SPRED2: variants seen among roughly 807,000 people sequenced by gnomAD.
SPRED2 encodes sprouty related EVH1 domain containing 2, also known as sprouty-related, EVH1 domain-containing protein 2.
A neutral mutation model predicts 43.0 loss-of-function variants in SPRED2; 47 were observed. The ratio of observed to expected loss-of-function variants is 1.09; its 90% CI spans 0.87 to 1.40. The LOEUF is 1.40. SPRED2 is among the 40% of genes most tolerant of loss of function. The probability of loss-of-function intolerance (pLI) is 0.00; values close to 1 mark genes in which losing one functional copy is unlikely to be tolerated. For missense variants in SPRED2, 561 were observed against 586.4 expected (o/e 0.96, Z 0.45); for synonymous variants, 225 against 225.7 (o/e 1.00, Z 0.03).
intron 1 of SPRED2, among the ~76,000 whole-genome samples, chr2:65,425,626 A>C (rs543820619): frequency 2.6e-5 from 4 of 152,234 alleles, no homozygotes; most frequent in Non-Finnish European, 5.9e-5. Context: ...ACAATCCTTC[A>C]TGTCTATCCA....
At chr2:65,310,427 A>G (rs1673036901), downstream of SPRED2, among the ~76,000 whole-genome samples, 1 of 150,868 alleles carries the variant, frequency 6.6e-6, no homozygotes, top group African/African-American at 2.4e-5. Context: ...AGTGTTAACA[A>G]TTGTTTTCTG....
chr2:65,312,506 A>G lies in SPRED2; in HGVS notation c.*995T>C, dbSNP rs1433951395. The G allele has an allele frequency of 1.0e-6, 1 of 985,458 alleles. No homozygotes were observed. The highest frequency in any genetic ancestry group is 1.2e-6 in the Non-Finnish European group (1 of 829,930). 61.0% of individuals were successfully genotyped at this position (985,458 alleles called of 1,614,324 possible). ...TTCACCATAACCTTAGTGTTTCTCA[A>G]CTGGAACTTGTTCGTGGGAACACTG... is the stretch of plus-strand genomic sequence containing the variant. On this transcript the variant is annotated 3_prime_UTR_variant, in exon 6 of 6. Coordinates refer to ENST00000356388, the MANE Select transcript of SPRED2 (RefSeq NM_181784.3).
chr2:65,415,602 C>T (rs1453449251), intron 1 of SPRED2, among the ~76,000 whole-genome samples: 1 of 152,190 alleles, frequency 6.6e-6, no homozygotes, highest in Non-Finnish European at 1.5e-5. Flanking sequence ...CTAAAGACAT[C>T]TGTGTTACAT....
At chr2:65,363,000 GTTTTGTTTTTTTTTTT>G (rs1674864410) in intron 1 of SPRED2, among the ~76,000 whole-genome samples, 1 of 66,984 alleles carries the variant, frequency 1.5e-5, no homozygotes, top group African/African-American at 7.0e-5. Flanking sequence ...TGGTCATCAT[GTTTTGTTTTTTTTTTT>G]TTTTTTTTTT....
intron 1 of SPRED2, among the ~76,000 whole-genome samples, chr2:65,373,192 T>C (rs2104343950): frequency 6.6e-6 from 1 of 152,356 alleles, no homozygotes; most frequent in South Asian, 2.1e-4. Flanking sequence ...TTATACAACC[T>C]GAGGTAGAGT....
At chr2:65,368,873 G>C (rs936901113) in intron 1 of SPRED2, among the ~76,000 whole-genome samples, 1 of 152,110 alleles carries the variant, frequency 6.6e-6, no homozygotes, top group Non-Finnish European at 1.5e-5. Context: ...CTTGAGGCTG[G>C]AGACCAGCCT....
chr2:65,416,328 TG>T (rs577998678), intron 1 of SPRED2, among the ~76,000 whole-genome samples: 3 of 152,054 alleles, frequency 2.0e-5, no homozygotes, highest in Non-Finnish European at 4.4e-5. Flanking sequence ...TTGAGACAGT[TG>T]GGGGGGTGTA....
intron 1 of SPRED2, among the ~76,000 whole-genome samples, chr2:65,410,996 C>A (rs1212977993): frequency 6.6e-6 from 1 of 152,180 alleles, no homozygotes; most frequent in Non-Finnish European, 1.5e-5. Flanking sequence ...GTTCGAGGTG[C>A]CTTCACTGTG....
intron 3 of SPRED2, among the ~76,000 whole-genome samples, chr2:65,333,259 CAAA>C (rs200576180): frequency 5.3e-5 from 5 of 93,596 alleles, no homozygotes; most frequent in African/African-American, 4.7e-5. Flanking sequence ...GACTCCATCT[CAAA>C]AAAAAAAAAA....
chr2:65,417,553 T>G (rs1265318496), intron 1 of SPRED2, among the ~76,000 whole-genome samples: 1 of 152,216 alleles, frequency 6.6e-6, no homozygotes, highest in Non-Finnish European at 1.5e-5. Context: ...GTTCAACATC[T>G]ACCTGGGCCA....
chr2:65,380,449 G>T (rs190184818), intron 1 of SPRED2, among the ~76,000 whole-genome samples: 26 of 152,060 alleles, frequency 1.7e-4, no homozygotes, highest in Non-Finnish European at 2.5e-4. Context: ...CTTTCTTATG[G>T]AACTGCCTTC....
At chr2:65,367,470 AT>A (rs1208757834) in intron 1 of SPRED2, among the ~76,000 whole-genome samples, 4 of 151,392 alleles carry the variant, frequency 2.6e-5, no homozygotes, top group Non-Finnish European at 5.9e-5. Context: ...GTTTTTAAAA[AT>A]TAAAAAAAAT....
Position 65,323,672 on chromosome 2 carries a change from C to T in SPRED2, c.439-6789G>A, listed in dbSNP as rs190687221. Among the ~76,000 whole-genome samples the T allele has an allele frequency of 2.8e-3, 432 of 151,816 alleles. 2 individuals are homozygous for T. Among genetic ancestry groups the T allele is most frequent in the African/African-American group, 9.8e-3 (404 of 41,386 alleles). Reference sequence around the variant, plus strand: ...CGGGCAGATCACGAGGTCAGGAGATCGAGACCATTCTGGCTAACACGGTGA... The same window carrying T: ...CGGGCAGATCACGAGGTCAGGAGATTGAGACCATTCTGGCTAACACGGTGA... On this transcript the variant is annotated intron_variant, in intron 4 of 5. Coordinates refer to ENST00000356388, the MANE Select transcript of SPRED2 (RefSeq NM_181784.3).
intron 1 of SPRED2, among the ~76,000 whole-genome samples, chr2:65,413,094 C>T (rs1025415356): frequency 1.3e-5 from 2 of 152,198 alleles, no homozygotes; most frequent in Admixed American, 6.5e-5. Context: ...ATCCTTGCCT[C>T]AGAACCAATA....
At chr2:65,343,999 T>C (rs2104262593) in intron 2 of SPRED2, among the ~76,000 whole-genome samples, 1 of 152,078 alleles carries the variant, frequency 6.6e-6, no homozygotes, top group Middle Eastern at 3.4e-3. Flanking sequence ...ATACAAAAAC[T>C]AGCTGGGTGT....
At chr2:65,431,436 C>T (rs1676689643) in intron 1 of SPRED2, among the ~76,000 whole-genome samples, 1 of 152,024 alleles carries the variant, frequency 6.6e-6, no homozygotes, top group African/African-American at 2.4e-5. Context: ...CGCCTGTCCT[C>T]CTCTCGCTCC....
intron 1 of SPRED2, among the ~76,000 whole-genome samples, chr2:65,362,780 C>G (rs1304838516): frequency 2.6e-5 from 4 of 151,442 alleles, no homozygotes; most frequent in Non-Finnish European, 4.4e-5. Flanking sequence ...ATCGCTTGAA[C>G]CAGGGAGGTG....
intron 1 of SPRED2, among the ~76,000 whole-genome samples, chr2:65,410,358 G>A (rs992018971): frequency 6.6e-6 from 1 of 152,166 alleles, no homozygotes; most frequent in African/African-American, 2.4e-5. Flanking sequence ...CCCATGCTGG[G>A]TTCTTTAGCA....
At chr2:65,417,303 T>C (rs1258619403) in intron 1 of SPRED2, among the ~76,000 whole-genome samples, 1 of 152,154 alleles carries the variant, frequency 6.6e-6, no homozygotes, top group East Asian at 1.9e-4. Context: ...GAACTTCACA[T>C]GTATTTCAGC....
Sources: allele counts gnomAD v4.1 joint callset (sites outside exome capture counted in the v4.1 genomes callset), GRCh38; gene constraint gnomAD v4.1.1; transcripts MANE v1.5; gene names NCBI Gene and HGNC (gene_info 2026-07-23, HGNC 2026-07-21).